The following GCNA variants were observed in gnomAD, a reference collection of about 807,000 sequenced individuals.
The protein encoded by GCNA is germ cell nuclear acidic peptidase.
A neutral mutation model predicts 38.8 loss-of-function variants in GCNA; 3 were observed. The observed-to-expected ratio is 0.08, with a 90% CI of 0.04 to 0.20. The LOEUF is 0.20. Among genes scored for constraint, GCNA ranks in the 10% least tolerant of loss-of-function variants. The pLI is 1.00. For missense variants in GCNA, 446 were observed against 578.6 expected (o/e 0.77, Z 2.35); for synonymous variants, 195 against 240.2 (o/e 0.81, Z 1.74).
In GCNA at chrX:71,613,111, T is replaced by TA; in HGVS notation, c.*130dup. 1 of 920,166 alleles carries TA rather than the reference T, an allele frequency of 1.1e-6. No individual in the cohort carries two copies. Among genetic ancestry groups the TA allele is most frequent in the Non-Finnish European group, 1.5e-6 (1 of 664,871 alleles). The allele number at this position is 920,166 out of a possible 1,213,427, so 75.8% of individuals were successfully genotyped here. Reference sequence around the variant, plus strand: ...CAATGAAGAATTCTTAAGGTTATCTTAGAGTATATTAATGTGAGCTATATC... The same window carrying TA: ...CAATGAAGAATTCTTAAGGTTATCTTAAGAGTATATTAATGTGAGCTATATC... On this transcript the variant is annotated 3_prime_UTR_variant, in exon 13 of 13. Coordinates refer to ENST00000373696, the MANE Select transcript of GCNA (RefSeq NM_052957.5).
intron 7 of GCNA, among the ~76,000 whole-genome samples, 182 bp downstream of exon 7, chrX:71,598,220 T>C (rs1256207077): frequency 9.0e-6 from 1 of 111,678 alleles, no homozygotes; most frequent in Non-Finnish European, 1.9e-5. Flanking sequence ...CCCTGGTCAA[T>C]TTCCCAGCAG....
At chrX:71,588,461 C>A (rs987679244) in intron 2 of GCNA, among the ~76,000 whole-genome samples, 2 of 112,281 alleles carry the variant, frequency 1.8e-5, no homozygotes, top group African/African-American at 3.2e-5. Flanking sequence ...GGCAGTATTT[C>A]TTCCAGAGAT....
At chrX:71,580,684 C>T in intron 1 of GCNA, 136 bp from the exon 2 acceptor site, 1 of 503,104 alleles carries the variant, frequency 2.0e-6, no homozygotes, top group East Asian at 4.1e-5. Context: ...CCGTGTTAGC[C>T]AGGATGGTCT....
chrX:71,613,244 C>A lies in GCNA; in HGVS notation c.*262C>A. 1 of 312,238 alleles carries A rather than the reference C, an allele frequency of 3.2e-6. No homozygotes were observed. Among genetic ancestry groups the A allele is most frequent in the Non-Finnish European group, 5.6e-6 (1 of 179,039 alleles). The allele number at this position is 312,238 out of a possible 1,213,427, so 25.7% of individuals were successfully genotyped here. A position where few individuals can be genotyped will look rare whatever the true frequency, so the allele number is the denominator to read the frequency against. ...TAGAATTTAAGATTCATGTTATTAA[C>A]GATGATTGACCTTAAATAGGGACTC... On this transcript the variant is annotated 3_prime_UTR_variant, in exon 13 of 13. Coordinates refer to ENST00000373696, the MANE Select transcript of GCNA (RefSeq NM_052957.5).
chrX:71,603,768 A>G lies in GCNA; in HGVS notation c.491A>G (p.Asp164Gly), dbSNP rs373154220. Residue 164 changes from aspartate (D) to glycine (G), a missense_variant, in exon 8 of 13, where the codon GAT becomes GGT. By Grantham distance (94) the Asp-to-Gly change is moderately conservative (BLOSUM62 -1). Coordinates refer to ENST00000373696, the MANE Select transcript of GCNA (RefSeq NM_052957.5). The part of the protein sequence containing the change: ...DDSEAPDDNS[D>G]DSEAPDDNSD... ...TCGGAAGCTCCTGACGACAACAGTGATGATTCGGAAGCTCCCGACGACAAC... is the reference window on the plus strand; with the variant it reads ...TCGGAAGCTCCTGACGACAACAGTGGTGATTCGGAAGCTCCCGACGACAAC... 53 of 1,208,920 alleles carry G rather than the reference A, an allele frequency of 4.4e-5. No individual in the cohort carries two copies. Among genetic ancestry groups the G allele is most frequent in the Non-Finnish European group, 5.4e-5 (48 of 894,840 alleles).
chrX:71,592,192 G>A (rs2040634362), intron 3 of GCNA, 24 bp downstream of exon 3: 3 of 1,174,509 alleles, frequency 2.6e-6, no homozygotes, highest in Non-Finnish European at 3.5e-6. Context: ...ACTCAAAGCA[G>A]GAACATTTTG....
intron 10 of GCNA, 122 bp downstream of exon 10, chrX:71,609,239 G>A: frequency 1.5e-6 from 1 of 670,135 alleles, no homozygotes; most frequent in Non-Finnish European, 2.3e-6. Flanking sequence ...GTTGGGAGAT[G>A]AGCCCTGGTA....
At chrX:71,597,393 A>G (rs2040679147) in intron 6 of GCNA, among the ~76,000 whole-genome samples, 1 of 111,605 alleles carries the variant, frequency 9.0e-6, no homozygotes, top group African/African-American at 3.3e-5. Context: ...GGATTAGCCG[A>G]GGATGAGGAC....
At chrX:71,582,700 G>A (rs1426556653) in intron 2 of GCNA, among the ~76,000 whole-genome samples, 1 of 111,810 alleles carries the variant, frequency 8.9e-6, no homozygotes, top group Non-Finnish European at 1.9e-5. Context: ...TATCATACAT[G>A]TAATTCAGTA....
At chrX:71,589,758 C>A (rs1364873537) in intron 2 of GCNA, among the ~76,000 whole-genome samples, 1 of 109,467 alleles carries the variant, frequency 9.1e-6, no homozygotes, top group Non-Finnish European at 1.9e-5. Flanking sequence ...AGCCACTGCA[C>A]CCAGCCTCCT....
chrX:71,603,632 C>T lies in GCNA; in HGVS notation c.355C>T (p.Pro119Ser). Residue 119 changes from proline to serine, a missense_variant, in exon 8 of 13, where the codon CCT becomes TCT. Physicochemically the swap from Pro to Ser is moderately conservative, Grantham distance 74. Transcript: ENST00000373696. Reference sequence around the variant, plus strand: ...TCATGTGAAGCCTGCCATCCAGGAACCTCCAATAGTTATTAGTGATGATGA... The same window carrying T: ...TCATGTGAAGCCTGCCATCCAGGAATCTCCAATAGTTATTAGTGATGATGA... Reference protein sequence around the residue: ...CCHVKPAIQEPPIVISDDDND... With the variant: ...CCHVKPAIQESPIVISDDDND... 8.3e-7 allele frequency: 1 copy of T among 1,211,600 alleles called. No homozygotes were observed. Among genetic ancestry groups the T allele is most frequent in the Non-Finnish European group, 1.1e-6 (1 of 895,464 alleles).
intron 1 of GCNA, among the ~76,000 whole-genome samples, chrX:71,579,128 C>T (rs1413055127): frequency 1.1e-5 from 1 of 89,473 alleles, no homozygotes; most frequent in African/African-American, 4.3e-5. Context: ...TGTAGGAATA[C>T]GTGGCGCCGG....
At position 71,604,690 on chromosome X, in the gene GCNA, G is replaced by A. The variant is rs2040754770; in HGVS notation, c.1399+14G>A. 4 of 1,206,204 alleles carry A rather than the reference G, an allele frequency of 3.3e-6. No individual in the cohort carries two copies. The highest frequency in any genetic ancestry group is 4.5e-6 in the Non-Finnish European group (4 of 893,395). ...CTGTGACACCTGGTAAGCCAGTCAT[G>A]CCAAGTATGCCTGTCCCACTGAATG... On this transcript the variant is annotated intron_variant, in intron 8 of 12. Transcript: ENST00000373696.
intron 11 of GCNA, among the ~76,000 whole-genome samples, 159 bp downstream of exon 11, chrX:71,610,978 G>A (rs1042722965): frequency 8.9e-6 from 1 of 112,785 alleles, no homozygotes; most frequent in Non-Finnish European, 1.9e-5. Flanking sequence ...GTTATTGGAT[G>A]TCTCACCATC....
intron 2 of GCNA, among the ~76,000 whole-genome samples, chrX:71,583,692 C>CTTTTTTTT (rs753557808): frequency 2.8e-5 from 2 of 72,659 alleles, no homozygotes; most frequent in Non-Finnish European, 5.1e-5. Flanking sequence ...CTATTATATT[C>CTTTTTTTT]TTTTTTTTTT....
chrX:71,603,738 A>G lies in GCNA; in HGVS notation c.461A>G (p.Asp154Gly). 4.1e-6 allele frequency: 5 copies of G among 1,207,939 alleles called. No individual in the cohort carries two copies. Among genetic ancestry groups the G allele is most frequent in the Non-Finnish European group, 5.6e-6 (5 of 894,840 alleles). ...DDSEAPDDNS[D>G]DSEAPDDNSD... ...TCAGAAGCTCCCGACGACAACAGTGATGATTCGGAAGCTCCTGACGACAAC... is the reference window on the plus strand; with the variant it reads ...TCAGAAGCTCCCGACGACAACAGTGGTGATTCGGAAGCTCCTGACGACAAC... Residue 154 changes from aspartate to glycine, a missense_variant, in exon 8 of 13, where the codon GAT (aspartate) becomes GGT (glycine). By Grantham distance (94) the Asp-to-Gly change is moderately conservative (BLOSUM62 -1). Transcript: ENST00000373696.
At position 71,610,582 on chromosome X, in the gene GCNA, C is replaced by T. The variant is rs138178358; in HGVS notation, c.1612-99C>T. Reference sequence around the variant, plus strand: ...GGGCTGAGTTTGCACCATTGCACTCCAGCCTGGGCAACAAGAGCTAAAACT... The same window carrying T: ...GGGCTGAGTTTGCACCATTGCACTCTAGCCTGGGCAACAAGAGCTAAAACT... On this transcript the variant is annotated intron_variant, in intron 10 of 12. Coordinates refer to ENST00000373696, the MANE Select transcript of GCNA (RefSeq NM_052957.5). The T allele has an allele frequency of 1.7e-4, 184 of 1,057,903 alleles. 1 individual carries two copies. In the East Asian group the frequency reaches 5.6e-3, roughly 32 times the overall value. 87.2% of individuals were successfully genotyped at this position (1,057,903 alleles called of 1,213,427 possible). A position where few individuals can be genotyped will look rare whatever the true frequency, so the allele number is the denominator to read the frequency against.
chrX:71,607,719 C>T (rs1032633976), intron 9 of GCNA, among the ~76,000 whole-genome samples: 1 of 111,984 alleles, frequency 8.9e-6, no homozygotes, highest in African/African-American at 3.2e-5. Context: ...CAGTGGAGAT[C>T]GTAAAAATAG....
Position 71,612,551 on chromosome X carries a change from C to T in GCNA, c.1947C>T (p.Cys649=). 1 of 1,207,017 alleles carries T rather than the reference C, an allele frequency of 8.3e-7. No individual in the cohort carries two copies. Among genetic ancestry groups the T allele is most frequent in the Non-Finnish European group, 1.1e-6 (1 of 892,893 alleles). ...NYKVHYECTG[C]KTRIGCYTKS... ...AGGTCCATTATGAATGTACTGGATG[C>T]AAAACGAGGTAAGACTCTTCTCAGA... The change falls in exon 12 of 13, where the codon TGC becomes TGT. Residue 649 remains cysteine (C), a synonymous_variant. Transcript: ENST00000373696.
Sources: gnomAD v4.1 joint callset for allele counts (sites outside exome capture counted in the v4.1 genomes callset) on GRCh38, gnomAD v4.1.1 for gene constraint, MANE v1.5 for transcripts, NCBI Gene and HGNC (gene_info 2026-07-23, HGNC 2026-07-21) for gene names.